The following TCF4 variants were observed in gnomAD, a reference collection of about 807,000 sequenced individuals.
TCF4 encodes the protein SL3-3 enhancer factor 2.
TCF4 carries 3 observed loss-of-function variants against 82.1 expected under a neutral mutation model. That is an observed-to-expected ratio of 0.04 (90% CI 0.02 to 0.09). The LOEUF is 0.09. Among genes scored for constraint, TCF4 ranks in the 10% least tolerant of loss-of-function variants. The pLI is 1.00. For missense variants in TCF4, 518 were observed against 852.7 expected (o/e 0.61, Z 4.89); for synonymous variants, 276 against 309.6 (o/e 0.89, Z 1.14).
At chr18:55,457,733 C>T (rs918133209) in intron 5 of TCF4, among the ~76,000 whole-genome samples, 1 of 152,134 alleles carries the variant, frequency 6.6e-6, no homozygotes, top group African/African-American at 2.4e-5. Context: ...ATTTATATCC[C>T]ACTTTGCATA....
At chr18:55,322,245 C>T in intron 8 of TCF4, 1 of 1,058,154 alleles carries the variant, frequency 9.5e-7, no homozygotes, top group Non-Finnish European at 1.1e-6. Context: ...CTCCCCCTCT[C>T]TCTCTCTCCC....
At chr18:55,301,568 G>A (rs1036894992) in intron 8 of TCF4, among the ~76,000 whole-genome samples, 7 of 152,068 alleles carry the variant, frequency 4.6e-5, no homozygotes, top group East Asian at 1.9e-4. Context: ...CACACGCAAC[G>A]GCTCTAATTT....
intron 8 of TCF4, among the ~76,000 whole-genome samples, chr18:55,309,670 A>C (rs1015667819): frequency 6.6e-6 from 1 of 152,254 alleles, no homozygotes; most frequent in Admixed American, 6.5e-5. Flanking sequence ...TTTCCTAATA[A>C]TTAAAAGTCA....
intron 10 of TCF4, among the ~76,000 whole-genome samples, chr18:55,272,829 C>A (rs1172544015): frequency 6.6e-6 from 1 of 151,982 alleles, no homozygotes; most frequent in African/African-American, 2.4e-5. Flanking sequence ...ACCAAACGTT[C>A]CCTGAAGGGA....
chr18:55,617,646 C>A (rs1181211712), intron 2 of TCF4, among the ~76,000 whole-genome samples: 2 of 152,054 alleles, frequency 1.3e-5, no homozygotes, highest in East Asian at 3.9e-4. Context: ...AAGTCTGTCA[C>A]TTCCTTGGTT....
intron 8 of TCF4, among the ~76,000 whole-genome samples, chr18:55,337,735 T>G (rs1569073157): frequency 6.6e-6 from 1 of 152,118 alleles, no homozygotes; most frequent in Non-Finnish European, 1.5e-5. Context: ...TCCCTTCAAG[T>G]GCACTATATA....
At chr18:55,632,937 G>T (rs2097732918) in intron 1 of TCF4, among the ~76,000 whole-genome samples, 1 of 152,198 alleles carries the variant, frequency 6.6e-6, no homozygotes, top group South Asian at 2.1e-4. Flanking sequence ...ATGTGGAATA[G>T]GTAGTTATAT....
intron 6 of TCF4, among the ~76,000 whole-genome samples, chr18:55,360,353 T>A (rs1335223026): frequency 2.0e-5 from 3 of 152,142 alleles, no homozygotes; most frequent in African/African-American, 7.2e-5. Context: ...GACAACAACT[T>A]AAGAATTGAA....
intron 16 of TCF4, among the ~76,000 whole-genome samples, chr18:55,233,987 T>C (rs1227858951): frequency 2.0e-5 from 3 of 152,042 alleles, no homozygotes; most frequent in Non-Finnish European, 4.4e-5. Flanking sequence ...GTGAAGGGAC[T>C]GAGAAGATGT....
chr18:55,559,293 A>G (rs1482789506), intron 3 of TCF4, among the ~76,000 whole-genome samples: 1 of 152,088 alleles, frequency 6.6e-6, no homozygotes, highest in Non-Finnish European at 1.5e-5. Flanking sequence ...GATCTATGAT[A>G]TAATGGAGCA....
At chr18:55,504,611 A>G (rs2096733974) in intron 3 of TCF4, among the ~76,000 whole-genome samples, 1 of 152,212 alleles carries the variant, frequency 6.6e-6, no homozygotes, top group South Asian at 2.1e-4. Context: ...AAATCACTGT[A>G]TTGCCGAACA....
chr18:55,237,512 CA>C (rs2049871149), intron 15 of TCF4, among the ~76,000 whole-genome samples: 1 of 148,344 alleles, frequency 6.7e-6, no homozygotes, highest in South Asian at 2.1e-4. Flanking sequence ...CTCTGTCACC[CA>C]GGCTGGAGTG....
chr18:55,509,223 A>G (rs1018436307), intron 3 of TCF4, among the ~76,000 whole-genome samples: 2 of 152,044 alleles, frequency 1.3e-5, no homozygotes, highest in Admixed American at 6.5e-5. Context: ...AGGTTTTTAA[A>G]CCATTATATA....
At chr18:55,280,164 A>AT (rs2062283880) in intron 8 of TCF4, among the ~76,000 whole-genome samples, 1 of 152,214 alleles carries the variant, frequency 6.6e-6, no homozygotes, top group Non-Finnish European at 1.5e-5. Flanking sequence ...AAAGTGATAA[A>AT]TATATCTTAG....
At chr18:55,338,990 TAC>T (rs929676068) in intron 8 of TCF4, among the ~76,000 whole-genome samples, 1 of 152,196 alleles carries the variant, frequency 6.6e-6, no homozygotes, top group African/African-American at 2.4e-5. Context: ...ATGCATTCAT[TAC>T]ACAGTGTTAA....
At chr18:55,602,700 A>G (rs916497961) in intron 2 of TCF4, among the ~76,000 whole-genome samples, 1 of 152,178 alleles carries the variant, frequency 6.6e-6, no homozygotes, top group Admixed American at 6.5e-5. Context: ...CCTGCTTCCC[A>G]TCTCTCTTAC....
At chr18:55,373,332 C>T (rs1249104349) in intron 6 of TCF4, among the ~76,000 whole-genome samples, 1 of 151,914 alleles carries the variant, frequency 6.6e-6, no homozygotes, top group Non-Finnish European at 1.5e-5. Context: ...CTATAGTCCA[C>T]CAAAAATATA....
intron 8 of TCF4, among the ~76,000 whole-genome samples, chr18:55,328,767 T>G (rs987965688): frequency 6.6e-6 from 1 of 152,204 alleles, no homozygotes; most frequent in Non-Finnish European, 1.5e-5. Flanking sequence ...CAGCACAGGA[T>G]GTTCTCAATT....
chr18:55,420,062 C>G (rs569215800), intron 5 of TCF4, among the ~76,000 whole-genome samples: 99 of 152,254 alleles, frequency 6.5e-4, no homozygotes, highest in African/African-American at 2.2e-3. Flanking sequence ...TGGCTTGCTG[C>G]TGGACAGTGG....
Sources: gnomAD v4.1 joint callset for allele counts (sites outside exome capture counted in the v4.1 genomes callset) on GRCh38, gnomAD v4.1.1 for gene constraint, MANE v1.5 for transcripts, NCBI Gene and HGNC (gene_info 2026-07-23, HGNC 2026-07-21) for gene names.